STRIP2: variants seen among roughly 807,000 people sequenced by gnomAD.
STRIP2 encodes the protein striatin-interacting protein 2.
A neutral mutation model predicts 107.1 loss-of-function variants in STRIP2; 84 were observed. That is an observed-to-expected ratio of 0.78 (90% confidence interval 0.66 to 0.94). STRIP2 has a LOEUF of 0.94. Among genes scored for constraint, STRIP2 ranks in the 40% least tolerant of loss-of-function variants. The pLI is 0.00. For synonymous variants in STRIP2, 394 were observed against 400.4 expected (o/e 0.98, Z 0.19); for missense variants, 888 against 1,034.2 (o/e 0.86, Z 1.94).
rs1052797592 is a variant in STRIP2 at position 129,458,635 on chromosome 7, G to A, written c.1275-77G>A. The stretch of plus-strand genomic sequence containing the variant: ...TCCAGTCCTCTGATTGGAGGGATAG[G>A]AGCCCGGAAAGTTTTTCTCTCTCAA... On this transcript the variant is annotated intron_variant, in intron 10 of 20. Coordinates refer to ENST00000249344, the MANE Select transcript of STRIP2 (RefSeq NM_020704.3). The surrounding 1 kb of genome is among the most constrained non-coding windows in gnomAD (Gnocchi z 4.6). 1 of 1,511,080 alleles carries A rather than the reference G, an allele frequency of 6.6e-7. No homozygotes were observed. Among genetic ancestry groups the A allele is most frequent in the Non-Finnish European group, 9.2e-7 (1 of 1,089,788 alleles). 93.6% of individuals were successfully genotyped at this position (1,511,080 alleles called of 1,614,324 possible).
intron 5 of STRIP2, among the ~76,000 whole-genome samples, 194 bp from the exon 6 acceptor site, chr7:129,453,948 C>T (rs192785251): frequency 6.6e-6 from 1 of 152,180 alleles, no homozygotes; most frequent in African/African-American, 2.4e-5. Context: ...CCTGCCCTTG[C>T]CTTGTCTTCA....
At chr7:129,445,858 C>G (rs1396218443) in intron 3 of STRIP2, among the ~76,000 whole-genome samples, 1 of 152,146 alleles carries the variant, frequency 6.6e-6, no homozygotes, top group Non-Finnish European at 1.5e-5. Context: ...GGATGGTAGT[C>G]TTGGCAGAAG....
intron 1 of STRIP2, among the ~76,000 whole-genome samples, chr7:129,439,714 G>A (rs1797846377): frequency 6.6e-6 from 1 of 152,100 alleles, no homozygotes; most frequent in South Asian, 2.1e-4. Context: ...ATGCTCCTCT[G>A]GTCTGTGTTC....
In STRIP2 at chr7:129,455,430, T is replaced by C. The variant is rs113396008; in HGVS notation, c.834+59T>C. On this transcript the variant is annotated intron_variant, in intron 8 of 20. Transcript: ENST00000249344. Reference sequence around the variant, plus strand: ...TCAGCAATGCCCTATGCCACCTCAGTTTCTTCTAGTCTCATTCCAGGAGGC... The same window carrying C: ...TCAGCAATGCCCTATGCCACCTCAGCTTCTTCTAGTCTCATTCCAGGAGGC... 7 of 1,567,066 alleles carry C rather than the reference T, an allele frequency of 4.5e-6. No homozygotes were observed. The African/African-American group carries it at 5.5e-5, about 12-fold the overall frequency.
In STRIP2 at chr7:129,480,886, C is replaced by T; in HGVS notation, c.2046C>T (p.Thr682=). 6.2e-7 allele frequency: 1 copy of T among 1,609,722 alleles called. No individual in the cohort carries two copies. Among genetic ancestry groups the T allele is most frequent in the Non-Finnish European group, 8.5e-7 (1 of 1,178,508 alleles). The change falls in exon 19 of 21, where the codon ACC becomes ACT. Residue 682 remains threonine, a synonymous_variant. Transcript: ENST00000249344. The stretch of plus-strand genomic sequence containing the variant: ...TGACCAAATGGAAACATTCCCGGAC[C>T]ATGGTGAGTGTGGTTTTTTACATCA... ...NKLTKWKHSR[T]MMLVVFKSAP...
intron 3 of STRIP2, among the ~76,000 whole-genome samples, chr7:129,444,909 C>G (rs1038394319): frequency 6.6e-6 from 1 of 152,140 alleles, no homozygotes; most frequent in African/African-American, 2.4e-5. Context: ...GATATTAATA[C>G]AAGTGTATAC....
At chr7:129,453,016 G>A (rs963349737) in intron 4 of STRIP2, among the ~76,000 whole-genome samples, 4 of 152,148 alleles carry the variant, frequency 2.6e-5, no homozygotes, top group African/African-American at 4.8e-5. Context: ...TAAGACGATA[G>A]GCCATTGATG....
At chr7:129,436,437 T>C (rs894780023) in intron 1 of STRIP2, among the ~76,000 whole-genome samples, 11 of 152,210 alleles carry the variant, frequency 7.2e-5, no homozygotes, top group East Asian at 3.9e-4. Context: ...GTCCAGAGAC[T>C]CGAAAGCTTT....
At chr7:129,449,803 G>T (rs1798133546) in intron 3 of STRIP2, among the ~76,000 whole-genome samples, 1 of 152,154 alleles carries the variant, frequency 6.6e-6, no homozygotes, top group African/African-American at 2.4e-5. Context: ...CTCTTTCTCT[G>T]CAGGAGATAA....
chr7:129,450,687 A>T (rs691325), intron 3 of STRIP2, among the ~76,000 whole-genome samples: 1 of 151,966 alleles, frequency 6.6e-6, no homozygotes, highest in African/African-American at 2.4e-5. Flanking sequence ...GGCTCAAACA[A>T]TCCTCCTGCC....
chr7:129,451,592 T>A (rs1440941867), intron 3 of STRIP2, 21 bp from the exon 4 acceptor site: 2 of 1,613,958 alleles, frequency 1.2e-6, no homozygotes, highest in Non-Finnish European at 1.7e-6. Context: ...ACACTGGATG[T>A]ATATGGCCTT....
chr7:129,460,550 A>T (rs963531646), intron 13 of STRIP2, 178 bp downstream of exon 13: 1 of 619,620 alleles, frequency 1.6e-6, no homozygotes, highest in Non-Finnish European at 2.8e-6. Flanking sequence ...AAAAATAAAA[A>T]GTTAAGTAAA....
At chr7:129,438,581 C>T (rs571663706) in intron 1 of STRIP2, among the ~76,000 whole-genome samples, 5 of 152,154 alleles carry the variant, frequency 3.3e-5, no homozygotes, top group Non-Finnish European at 7.4e-5. Flanking sequence ...CAACAATTCG[C>T]TGACACCAAC....
intron 2 of STRIP2, 148 bp downstream of exon 2, chr7:129,440,239 T>G (rs2150986346): frequency 1.5e-6 from 1 of 653,906 alleles, no homozygotes; most frequent in East Asian, 2.7e-5. Context: ...TCCATCCAAG[T>G]GGTAAATATC....
intron 4 of STRIP2, among the ~76,000 whole-genome samples, chr7:129,452,685 C>T (rs2150996303): frequency 6.6e-6 from 1 of 152,354 alleles, no homozygotes; most frequent in South Asian, 2.1e-4. Flanking sequence ...CCATGCTCAG[C>T]TTCTGCTCAA....
chr7:129,454,470 C>A lies in STRIP2; in HGVS notation c.649C>A (p.Arg217=), dbSNP rs200516125. 6 of 1,614,014 alleles carry A rather than the reference C, an allele frequency of 3.7e-6. No individual in the cohort carries two copies. The Admixed American group carries it at 5.0e-5, about 13-fold the overall frequency. Reference sequence around the variant, plus strand: ...AATGGTGGAAAATATTCGCCTGGAGCGAGAGACAGACCCCTGTGGGTGGAG... The same window carrying A: ...AATGGTGGAAAATATTCGCCTGGAGAGAGAGACAGACCCCTGTGGGTGGAG... The part of the protein sequence containing the change: ...YLMVENIRLE[R]ETDPCGWRTA... The change falls in exon 7 of 21, where the codon CGA becomes AGA. Residue 217 remains arginine, a synonymous_variant. Transcript: ENST00000249344.
intron 19 of STRIP2, among the ~76,000 whole-genome samples, chr7:129,482,523 C>T (rs184823804): frequency 1.6e-3 from 248 of 151,510 alleles, no homozygotes; most frequent in African/African-American, 5.5e-3. Flanking sequence ...GATTACAGGC[C>T]CATGCCACCA....
chr7:129,472,804 T>TTTTTTTTTTTG (rs1562914059), intron 18 of STRIP2, among the ~76,000 whole-genome samples: 7 of 136,698 alleles, frequency 5.1e-5, no homozygotes, highest in Non-Finnish European at 9.5e-5. Context: ...TTTTTTTTTT[T>TTTTTTTTTTTG]GAGACAGAGT....
At chr7:129,477,167 AAGAGGG>A (rs1385565648) in intron 18 of STRIP2, among the ~76,000 whole-genome samples, 1 of 87,784 alleles carries the variant, frequency 1.1e-5, no homozygotes, top group African/African-American at 4.1e-5. Flanking sequence ...AGACCGTGGA[AAGAGGG>A]AGAGGGAGAC....
Sources: gnomAD v4.1 joint callset for allele counts (sites outside exome capture counted in the v4.1 genomes callset) on GRCh38, gnomAD v4.1.1 for gene constraint, Gnocchi (gnomAD v3.1) non-coding constraint, MANE v1.5 for transcripts, NCBI Gene and HGNC (gene_info 2026-07-23, HGNC 2026-07-21) for gene names.